CHST8: variants seen among roughly 807,000 people sequenced by gnomAD.
CHST8 encodes the protein GALNAC-4-ST1.
CHST8 carries 10 observed loss-of-function variants against 15.0 expected under a neutral mutation model. That is an observed-to-expected ratio of 0.67 (90% CI 0.41 to 1.13). The LOEUF (loss-of-function observed/expected upper bound fraction) is 1.13. CHST8 is among the 50% of genes most tolerant of loss of function. CHST8 has a pLI of 0.00. For missense variants in CHST8, 634 were observed against 608.2 expected, an observed-to-expected ratio of 1.04 and a Z score of -0.45; for synonymous variants, 259 against 256.6, an observed-to-expected ratio of 1.01 and a Z score of -0.09.
chr19:33,740,417 G>A (rs1052033786), intron 3 of CHST8, among the ~76,000 whole-genome samples: 11 of 152,328 alleles, frequency 7.2e-5, no homozygotes, highest in South Asian at 2.1e-4. Flanking sequence ...CCCTGTGGCC[G>A]TGCAGCCTGT....
intron 1 of CHST8, among the ~76,000 whole-genome samples, chr19:33,660,186 G>A (rs1032985892): frequency 2.0e-5 from 3 of 152,170 alleles, no homozygotes; most frequent in Admixed American, 2.0e-4. Context: ...TTGGGAGGGA[G>A]AGCGATTCAA....
chr19:33,726,573 C>G (rs1973904547), intron 3 of CHST8, among the ~76,000 whole-genome samples: 1 of 152,126 alleles, frequency 6.6e-6, no homozygotes, highest in Non-Finnish European at 1.5e-5. Context: ...TGAGCATCAG[C>G]TGGGAGGTGG....
intron 1 of CHST8, among the ~76,000 whole-genome samples, chr19:33,635,213 A>T (rs900643066): frequency 7.9e-5 from 12 of 152,152 alleles, no homozygotes; most frequent in Non-Finnish European, 1.5e-5. Context: ...CATTCCTGTC[A>T]TCAGCTGCTC....
intron 3 of CHST8, among the ~76,000 whole-genome samples, chr19:33,738,128 C>G (rs1255403970): frequency 6.6e-6 from 1 of 152,224 alleles, no homozygotes; most frequent in African/African-American, 2.4e-5. Context: ...TATTCTCTGA[C>G]TGCTCAAAAC....
chr19:33,730,694 T>C (rs1053516057), intron 3 of CHST8, among the ~76,000 whole-genome samples: 3 of 152,228 alleles, frequency 2.0e-5, no homozygotes, highest in Admixed American at 1.3e-4. Flanking sequence ...TAGATGTATG[T>C]ATGAGGGGGA....
At position 33,677,703 on chromosome 19, in the gene CHST8, A is replaced by G. The variant is rs571561135; in HGVS notation, c.-87+9860A>G. Among the ~76,000 whole-genome samples, 6 of 152,330 alleles carry G rather than the reference A, an allele frequency of 3.9e-5. No homozygotes were observed. In the South Asian group the frequency reaches 1.2e-3, roughly 32 times the overall value. ...TGAGGATGCCCCAAATCTCCCAGTG[A>G]CAACATTGAATGCTGAGTGCTGTCT... On this transcript the variant is annotated intron_variant, in intron 2 of 4. Coordinates refer to ENST00000650847, the MANE Select transcript of CHST8 (RefSeq NM_001127895.2).
intron 3 of CHST8, among the ~76,000 whole-genome samples, chr19:33,768,017 G>A (rs1367380108): frequency 6.6e-6 from 1 of 152,164 alleles, no homozygotes; most frequent in Non-Finnish European, 1.5e-5. Context: ...TCATCCTCGT[G>A]AGCCCTTAGC....
chr19:33,690,490 G>A (rs1203690717), intron 3 of CHST8, among the ~76,000 whole-genome samples: 2 of 152,186 alleles, frequency 1.3e-5, no homozygotes, highest in African/African-American at 4.8e-5. Flanking sequence ...CAGGAAGGAA[G>A]GTGAAAAGAG....
chr19:33,672,591 G>A (rs1301273929), intron 2 of CHST8, among the ~76,000 whole-genome samples: 5 of 152,214 alleles, frequency 3.3e-5, no homozygotes, highest in African/African-American at 1.2e-4. Flanking sequence ...GATGGGGGAA[G>A]ATGCGGAGAA....
chr19:33,644,484 C>T (rs2145203972), intron 1 of CHST8, among the ~76,000 whole-genome samples: 1 of 152,140 alleles, frequency 6.6e-6, no homozygotes, highest in East Asian at 1.9e-4. Context: ...CCTGTAATTC[C>T]AGCACTTTGG....
intron 3 of CHST8, among the ~76,000 whole-genome samples, chr19:33,696,244 G>A (rs2145269312): frequency 6.6e-6 from 1 of 152,282 alleles, no homozygotes; most frequent in Non-Finnish European, 1.5e-5. Context: ...CATATGATGA[G>A]TTTTCCTCTG....
chr19:33,666,261 G>A (rs533482233), intron 1 of CHST8, among the ~76,000 whole-genome samples: 9 of 152,314 alleles, frequency 5.9e-5, no homozygotes, highest in East Asian at 1.9e-4. Flanking sequence ...CTCCATGCCC[G>A]TGGAAGCCCT....
rs1568358794 is a variant in CHST8, at chr19:33,757,524, GAAAGAAAGAA to G, written c.131-13887_131-13878del. On this transcript the variant is annotated intron_variant, in intron 3 of 4. Coordinates refer to ENST00000650847, the MANE Select transcript of CHST8 (RefSeq NM_001127895.2). ...AAAGAAAGAAAGAAAGAAAGAAAGA[GAAAGAAAGAA>G]AGAAAGAAAGAAAGAAAGAAAGAAA... 9.5e-3 allele frequency among the ~76,000 whole-genome samples: 183 copies of G among 19,254 alleles called. 22 individuals carry two copies. The highest frequency in any genetic ancestry group is 0.015 in the Non-Finnish European group (148 of 9,860). The allele number at this position is 19,254 out of a possible 152,430, so 12.6% of individuals were successfully genotyped here.
intron 2 of CHST8, among the ~76,000 whole-genome samples, chr19:33,680,294 C>G (rs756943726): frequency 6.6e-6 from 1 of 152,114 alleles, no homozygotes; most frequent in Non-Finnish European, 1.5e-5. Flanking sequence ...TCTTTTCTTT[C>G]CCTCACAACT....
intron 1 of CHST8, among the ~76,000 whole-genome samples, chr19:33,632,310 T>C (rs979966206): frequency 1.3e-5 from 2 of 152,034 alleles, no homozygotes; most frequent in African/African-American, 4.8e-5. Context: ...TGGCTATTGT[T>C]GTTTGTTTGT....
At chr19:33,747,830 T>C (rs1394117484) in intron 3 of CHST8, among the ~76,000 whole-genome samples, 3 of 152,206 alleles carry the variant, frequency 2.0e-5, no homozygotes, top group African/African-American at 7.2e-5. Context: ...TTTTAAGCTT[T>C]GAGATTTTTT....
intron 3 of CHST8, among the ~76,000 whole-genome samples, chr19:33,691,594 C>CA (rs5827865): frequency 1 from 152,385 of 152,386 alleles, 76,192 homozygotes; most frequent in Middle Eastern, 1. Flanking sequence ...ACATTAGTTA[C>CA]ATTTTCTTCT....
chr19:33,768,015 G>C (rs762281690), intron 3 of CHST8, among the ~76,000 whole-genome samples: 7 of 152,150 alleles, frequency 4.6e-5, no homozygotes, highest in African/African-American at 1.7e-4. Flanking sequence ...CCTCATCCTC[G>C]TGAGCCCTTA....
At chr19:33,664,432 C>T (rs1187431631) in intron 1 of CHST8, among the ~76,000 whole-genome samples, 13 of 92,250 alleles carry the variant, frequency 1.4e-4, no homozygotes, top group Admixed American at 1.1e-3. Flanking sequence ...CTATCCCTCC[C>T]CCCTCCCCCC....
Sources: allele counts gnomAD v4.1 joint callset (sites outside exome capture counted in the v4.1 genomes callset), GRCh38; gene constraint gnomAD v4.1.1; transcripts MANE v1.5; gene names NCBI Gene and HGNC (gene_info 2026-07-23, HGNC 2026-07-21).